Variants in SHISA9 observed in about 807,000 individuals in gnomAD.
SHISA9 encodes the protein shisa family member 9, also known as protein shisa-9.
A neutral mutation model predicts 38.0 loss-of-function variants in SHISA9; 13 were observed. The ratio of observed to expected loss-of-function variants is 0.34; its 90% CI spans 0.22 to 0.54. The LOEUF (loss-of-function observed/expected upper bound fraction) is 0.54. SHISA9 is among the 20% of genes least tolerant of loss of function. The pLI is 0.91. For synonymous variants in SHISA9, 275 were observed against 242.0 expected (o/e 1.14, Z -1.27); for missense variants, 538 against 575.8 (o/e 0.93, Z 0.67).
At chr16:13,253,238 C>T in the SHISA9 span, among the ~76,000 whole-genome samples, 13 of 152,200 alleles carry the variant, frequency 8.5e-5, no homozygotes, top group South Asian at 2.1e-4. Context: ...TTGGAATAGT[C>T]GAAAGTTATA....
At chr16:13,314,761 C>T in the SHISA9 span, among the ~76,000 whole-genome samples, 73,947 of 151,700 alleles carry the variant, frequency 0.49, 18,240 homozygotes, top group Middle Eastern at 0.55. Context: ...TATTCATATA[C>T]GTAATTTAAC....
chr16:13,333,093 G>C, the SHISA9 span, among the ~76,000 whole-genome samples: 1 of 152,222 alleles, frequency 6.6e-6, no homozygotes, highest in South Asian at 2.1e-4. Flanking sequence ...CTGGAGAAGG[G>C]GGAAAGGGAA....
chr16:12,986,298 C>T (rs1428195631), intron 2 of SHISA9, among the ~76,000 whole-genome samples: 1 of 151,950 alleles, frequency 6.6e-6, no homozygotes, highest in East Asian at 1.9e-4. Flanking sequence ...TTCCTCTTTC[C>T]TTCCTTCCCT....
chr16:13,135,760 G>C (rs1239762901), intron 2 of SHISA9, among the ~76,000 whole-genome samples: 1 of 152,132 alleles, frequency 6.6e-6, no homozygotes, highest in Non-Finnish European at 1.5e-5. Flanking sequence ...CCAACAGCAA[G>C]ATAGATGCAA....
At chr16:12,951,898 A>C (rs573396901) in intron 2 of SHISA9, among the ~76,000 whole-genome samples, 1 of 152,336 alleles carries the variant, frequency 6.6e-6, no homozygotes, top group Non-Finnish European at 1.5e-5. Context: ...ATGCAGGAGG[A>C]CAAACAAAAC....
chr16:13,226,282 CTTG>C, intron 4 of SHISA9, among the ~76,000 whole-genome samples: 1 of 152,268 alleles, frequency 6.6e-6, no homozygotes, highest in Non-Finnish European at 1.5e-5. Context: ...TAACCACCTC[CTTG>C]TTGTTGAAAT....
intron 2 of SHISA9, among the ~76,000 whole-genome samples, chr16:13,023,932 G>A (rs1423938196): frequency 6.6e-6 from 1 of 152,186 alleles, no homozygotes; most frequent in Admixed American, 6.5e-5. Context: ...ACAAAGATGG[G>A]AAGGGATGAT....
intron 2 of SHISA9, among the ~76,000 whole-genome samples, chr16:12,991,190 C>G (rs2072381644): frequency 6.6e-6 from 1 of 152,090 alleles, no homozygotes; most frequent in Non-Finnish European, 1.5e-5. Flanking sequence ...GTTCATGCCC[C>G]TCACCCATTT....
At chr16:13,396,350 T>C in the SHISA9 span, among the ~76,000 whole-genome samples, 5 of 152,182 alleles carry the variant, frequency 3.3e-5, no homozygotes, top group Non-Finnish European at 7.4e-5. Flanking sequence ...CTACTAAAAA[T>C]ACACAAATTA....
chr16:13,101,117 G>A (rs2073875007), intron 2 of SHISA9, among the ~76,000 whole-genome samples: 2 of 152,150 alleles, frequency 1.3e-5, no homozygotes, highest in Non-Finnish European at 2.9e-5. Context: ...CGGGGCTGTG[G>A]GGAGAGGGAA....
chr16:13,251,657 A>G, the SHISA9 span, among the ~76,000 whole-genome samples: 3 of 152,112 alleles, frequency 2.0e-5, no homozygotes, highest in Non-Finnish European at 4.4e-5. Context: ...TCCATAAAGT[A>G]CCTTGAGGTT....
At chr16:13,261,063 C>T in the SHISA9 span, among the ~76,000 whole-genome samples, 6 of 152,148 alleles carry the variant, frequency 3.9e-5, no homozygotes, top group Non-Finnish European at 8.8e-5. Context: ...AACTCGCCCC[C>T]ATGATTCAAT....
intron 1 of SHISA9, among the ~76,000 whole-genome samples, chr16:12,913,872 C>T (rs565396886): frequency 2.6e-5 from 4 of 152,142 alleles, no homozygotes; most frequent in Admixed American, 6.6e-5. Context: ...GGAGAATATT[C>T]CATTTCCTGT....
At chr16:13,474,904 T>C in the SHISA9 span, among the ~76,000 whole-genome samples, 1 of 152,198 alleles carries the variant, frequency 6.6e-6, no homozygotes, top group East Asian at 1.9e-4. Flanking sequence ...GGAGTGAAGA[T>C]GAAAGGGGAT....
chr16:13,321,361 A>T, the SHISA9 span, among the ~76,000 whole-genome samples: 1 of 151,950 alleles, frequency 6.6e-6, no homozygotes, highest in Non-Finnish European at 1.5e-5. Flanking sequence ...TGAACGAATG[A>T]ATGATTTTTC....
chr16:13,517,216 G>A, the SHISA9 span, among the ~76,000 whole-genome samples: 4 of 152,258 alleles, frequency 2.6e-5, no homozygotes, highest in East Asian at 5.8e-4. Flanking sequence ...GGTCACACAG[G>A]ATTGCTGGTA....
At position 13,235,069 on chromosome 16, in the gene SHISA9, A is replaced by C; in HGVS notation, c.935A>C (p.His312Pro). ...VNDDFYTKRR[H>P]LAELAAKGNL... ...GACGACTTCTACACCAAGCGACGGCACCTGGCTGAGCTGGCTGCCAAGGGG... is the reference window on the plus strand; with the variant it reads ...GACGACTTCTACACCAAGCGACGGCCCCTGGCTGAGCTGGCTGCCAAGGGG... The change falls in exon 5 of 5, where the codon CAC becomes CCC. Residue 312 changes from histidine to proline, a missense_variant. His to Pro is a moderately conservative substitution (Grantham distance 77). Coordinates refer to ENST00000558583, the MANE Select transcript of SHISA9 (RefSeq NM_001145204.3). 1.3e-6 allele frequency: 2 copies of C among 1,551,206 alleles called. No homozygotes were observed. Among genetic ancestry groups the C allele is most frequent in the Non-Finnish European group, 1.7e-6 (2 of 1,146,902 alleles).
chr16:13,028,505 GGAGACCC>G (rs755307339), intron 2 of SHISA9, among the ~76,000 whole-genome samples: 110 of 152,102 alleles, frequency 7.2e-4, no homozygotes, highest in Non-Finnish European at 1.2e-3. Context: ...AAGTGAAAGG[GGAGACCC>G]CTTATAAAAC....
intron 2 of SHISA9, among the ~76,000 whole-genome samples, chr16:13,099,125 A>G (rs2141955421): frequency 6.6e-6 from 1 of 152,372 alleles, no homozygotes; most frequent in African/African-American, 2.4e-5. Flanking sequence ...TTTTGCTGCA[A>G]CACATCCATG....
Sources: gnomAD v4.1 joint callset for allele counts (sites outside exome capture counted in the v4.1 genomes callset) on GRCh38, gnomAD v4.1.1 for gene constraint, MANE v1.5 for transcripts, NCBI Gene and HGNC (gene_info 2026-07-23, HGNC 2026-07-21) for gene names.